PPP1R16B: variants seen among roughly 807,000 people sequenced by gnomAD.
The protein encoded by PPP1R16B is protein phosphatase 1 regulatory inhibitor subunit 16B.
A neutral mutation model predicts 61.7 loss-of-function variants in PPP1R16B; 14 were observed. That is an observed-to-expected ratio of 0.23 (90% CI 0.15 to 0.35). The LOEUF (loss-of-function observed/expected upper bound fraction) is 0.35, where lower values mean the gene tolerates loss of function less well. PPP1R16B is among the 10% of genes least tolerant of loss of function. The pLI, the probability that PPP1R16B is intolerant of heterozygous loss-of-function variation, is 1.00. For missense variants in PPP1R16B, 547 were observed against 752.5 expected (o/e 0.73, Z 3.19); for synonymous variants, 266 against 305.3 (o/e 0.87, Z 1.34).
At chr20:38,916,345 ATATGT>A (rs985045573) in intron 10 of PPP1R16B, among the ~76,000 whole-genome samples, 49 of 148,124 alleles carry the variant, frequency 3.3e-4, no homozygotes, top group Middle Eastern at 3.6e-3. Flanking sequence ...AAATACATAT[ATATGT>A]TATATGTACA....
intron 2 of PPP1R16B, among the ~76,000 whole-genome samples, chr20:38,888,259 G>A (rs2085261581): frequency 1.3e-5 from 2 of 152,188 alleles, no homozygotes; most frequent in African/African-American, 4.8e-5. Context: ...AGGGCTCAGG[G>A]CCAGCCTATG....
chr20:38,888,752 G>A (rs556020423), intron 2 of PPP1R16B, among the ~76,000 whole-genome samples: 9 of 152,156 alleles, frequency 5.9e-5, no homozygotes, highest in Admixed American at 5.2e-4. Context: ...GGCTTGAATG[G>A]TGGTGGGCAG....
At chr20:38,873,749 T>TTTG (rs372468381) in intron 2 of PPP1R16B, among the ~76,000 whole-genome samples, 8 of 150,892 alleles carry the variant, frequency 5.3e-5, no homozygotes, top group Middle Eastern at 3.4e-3. Context: ...TTTTGTTTTT[T>TTTG]TTTTTTTGAG....
chr20:38,858,929 C>T (rs1464018683), intron 2 of PPP1R16B, among the ~76,000 whole-genome samples: 1 of 152,198 alleles, frequency 6.6e-6, no homozygotes, highest in Admixed American at 6.5e-5. Context: ...AAACAGTCAT[C>T]CTGTAGTCCC....
chr20:38,810,005 A>C (rs1382900456), intron 1 of PPP1R16B, among the ~76,000 whole-genome samples: 1 of 151,084 alleles, frequency 6.6e-6, no homozygotes, highest in Non-Finnish European at 1.5e-5. Context: ...AAAAAAAAAA[A>C]ACAAAACCAA....
intron 2 of PPP1R16B, among the ~76,000 whole-genome samples, chr20:38,868,440 A>G (rs2085104608): frequency 6.6e-6 from 1 of 150,954 alleles, no homozygotes; most frequent in Non-Finnish European, 1.5e-5. Flanking sequence ...GCTGGAGTGC[A>G]GTGGCGTGAT....
At chr20:38,895,975 C>T (rs1384577730) in intron 4 of PPP1R16B, among the ~76,000 whole-genome samples, 1 of 109,890 alleles carries the variant, frequency 9.1e-6, no homozygotes, top group Admixed American at 9.1e-5. Flanking sequence ...TTCTTCCCTC[C>T]CTCCCTCCTT....
chr20:38,895,932 CCTTCTTTCTTCCCTCCCTCCCTCCTTT>C (rs1434250597), intron 4 of PPP1R16B, among the ~76,000 whole-genome samples: 1,538 of 59,152 alleles, frequency 0.026, 80 homozygotes, highest in Admixed American at 0.05. Context: ...CTCCCTCCTT[CCTTCTTTCTTCCCTCCCTCCCTCCTTT>C]CTTCTTTCTT....
intron 1 of PPP1R16B, among the ~76,000 whole-genome samples, chr20:38,822,026 ATAT>A (rs1472397404): frequency 6.1e-5 from 9 of 147,400 alleles, no homozygotes; most frequent in Admixed American, 2.7e-4. Context: ...TATTTACATT[ATAT>A]ATAATTTATA....
intron 2 of PPP1R16B, among the ~76,000 whole-genome samples, chr20:38,886,787 G>A (rs374961568): frequency 2.0e-5 from 3 of 152,340 alleles, no homozygotes; most frequent in East Asian, 3.9e-4. Context: ...CTGAACTAGA[G>A]GGCTGCCAAT....
intron 2 of PPP1R16B, among the ~76,000 whole-genome samples, chr20:38,882,465 C>G (rs377476481): frequency 1.5e-4 from 23 of 152,290 alleles, no homozygotes; most frequent in South Asian, 8.3e-4. Context: ...ACTGCAGCCT[C>G]GAACTCCTGG....
chr20:38,822,952 C>T (rs1011793829), intron 1 of PPP1R16B, among the ~76,000 whole-genome samples: 1 of 152,078 alleles, frequency 6.6e-6, no homozygotes, highest in Non-Finnish European at 1.5e-5. Flanking sequence ...ATACCACTTT[C>T]GTGGGGTGAA....
intron 2 of PPP1R16B, among the ~76,000 whole-genome samples, chr20:38,848,027 G>A (rs1041381977): frequency 7.2e-5 from 11 of 152,088 alleles, no homozygotes; most frequent in African/African-American, 2.7e-4. Flanking sequence ...TGTAAATAAA[G>A]TTTTATTGGA....
chr20:38,826,561 T>C (rs1255733355), intron 1 of PPP1R16B, among the ~76,000 whole-genome samples: 2 of 152,228 alleles, frequency 1.3e-5, no homozygotes, highest in Admixed American at 6.5e-5. Context: ...TGAAGTTTTC[T>C]TGGAGCTGAG....
At chr20:38,888,654 A>T (rs992759189) in intron 2 of PPP1R16B, among the ~76,000 whole-genome samples, 3 of 152,056 alleles carry the variant, frequency 2.0e-5, no homozygotes. Flanking sequence ...CTGGGGTCCC[A>T]GTTGCCAAGC....
At chr20:38,913,516 C>T (rs2085508767) in intron 10 of PPP1R16B, among the ~76,000 whole-genome samples, 1 of 152,098 alleles carries the variant, frequency 6.6e-6, no homozygotes, top group Admixed American at 6.5e-5. Context: ...CCGCCTCGAC[C>T]TCCCAAAGTG....
At chr20:38,833,286 T>C (rs1304079772) in intron 1 of PPP1R16B, among the ~76,000 whole-genome samples, 3 of 152,222 alleles carry the variant, frequency 2.0e-5, no homozygotes, top group Non-Finnish European at 4.4e-5. Flanking sequence ...GATTAGTAAT[T>C]GCCAAGGCAG....
intron 2 of PPP1R16B, among the ~76,000 whole-genome samples, chr20:38,858,208 C>T (rs185176918): frequency 6.0e-4 from 92 of 152,246 alleles, no homozygotes; most frequent in Non-Finnish European, 1.0e-3. Context: ...GGGGATAGGG[C>T]TTCGATGTAT....
At chr20:38,817,176 C>T (rs1262420918) in intron 1 of PPP1R16B, among the ~76,000 whole-genome samples, 1 of 152,158 alleles carries the variant, frequency 6.6e-6, no homozygotes, top group African/African-American at 2.4e-5. Context: ...GTGCTGAGTG[C>T]CACAGAAGAG....
Sources: gnomAD v4.1 joint callset for allele counts (sites outside exome capture counted in the v4.1 genomes callset) on GRCh38, gnomAD v4.1.1 for gene constraint, MANE v1.5 for transcripts, NCBI Gene and HGNC (gene_info 2026-07-23, HGNC 2026-07-21) for gene names.